Variants in LASP1 observed in about 807,000 individuals in gnomAD.
LASP1 encodes LIM and SH3 domain protein 1.
In LASP1, 10 loss-of-function variants were observed where a neutral mutation model predicts 38.6. The observed-to-expected ratio is 0.26, with a 90% CI of 0.16 to 0.44. The LOEUF (loss-of-function observed/expected upper bound fraction) is 0.44, where lower values mean the gene tolerates loss of function less well. Among genes scored for constraint, LASP1 ranks in the 20% least tolerant of loss-of-function variants. The pLI, the probability that LASP1 is intolerant of heterozygous loss-of-function variation, is 1.00. For missense variants in LASP1, 243 were observed against 375.7 expected (o/e 0.65, Z 2.92); for synonymous variants, 132 against 140.8 (o/e 0.94, Z 0.44).
chr17:38,884,852 G>A (rs914569332), intron 2 of LASP1, among the ~76,000 whole-genome samples: 7 of 151,784 alleles, frequency 4.6e-5, no homozygotes, highest in Middle Eastern at 3.2e-3. Flanking sequence ...CACCACGCCC[G>A]GCTAATTTTT....
chr17:38,887,383 CT>C (rs1350547506), intron 2 of LASP1, among the ~76,000 whole-genome samples: 1 of 152,194 alleles, frequency 6.6e-6, no homozygotes, highest in African/African-American at 2.4e-5. Flanking sequence ...GAGATCTTCC[CT>C]TTCTGGTCTC....
At chr17:38,914,708 A>G (rs1253009028) in intron 5 of LASP1, among the ~76,000 whole-genome samples, 3 of 150,796 alleles carry the variant, frequency 2.0e-5, no homozygotes, top group Non-Finnish European at 2.9e-5. Flanking sequence ...ACACACACAC[A>G]CACACATGCA....
chr17:38,921,093 G>A lies in LASP1; in HGVS notation c.*2315G>A. 4.3e-6 allele frequency: 1 copy of A among 230,234 alleles called. No homozygotes were observed. The highest frequency in any genetic ancestry group is 8.6e-6 in the Non-Finnish European group (1 of 116,146). 14.3% of individuals were successfully genotyped at this position (230,234 alleles called of 1,614,324 possible). On this transcript the variant is annotated 3_prime_UTR_variant, in exon 7 of 7. Transcript: ENST00000318008. The stretch of plus-strand genomic sequence containing the variant: ...TCTTACACACCCCCAGAGAGAGGAG[G>A]GACTGTCACACTGGTGCTGAGTGAC...
rs1915240119 is a variant in LASP1 at position 38,919,582 on chromosome 17, GA to G, written c.*805del. The G allele has an allele frequency of 3.9e-6, 1 of 256,790 alleles. No homozygotes were observed. The highest frequency in any genetic ancestry group is 7.6e-6 in the Non-Finnish European group (1 of 130,794). The allele number at this position is 256,790 out of a possible 1,614,324, so 15.9% of individuals were successfully genotyped here. On this transcript the variant is annotated 3_prime_UTR_variant, in exon 7 of 7. Transcript: ENST00000318008. ...CCCACGCCCACCCCCAGTCTCCAGG[GA>G]CCCTTGCCTGCCTCCTAGGCTGGAA... is the stretch of plus-strand genomic sequence containing the variant.
chr17:38,918,063 C>T lies in LASP1; in HGVS notation c.613-542C>T, dbSNP rs1956999073. Among the ~76,000 whole-genome samples the T allele has an allele frequency of 6.6e-6, 1 of 151,562 alleles. No individual in the cohort carries two copies. The highest frequency in any genetic ancestry group is 1.5e-5 in the Non-Finnish European group (1 of 67,892). The stretch of plus-strand genomic sequence containing the variant: ...GCTGAGGCAGGAGAATCGCTTGAAC[C>T]CGGGAGGCGGATGTTGCAGTGAGCC... On this transcript the variant is annotated intron_variant, in intron 6 of 6. Coordinates refer to ENST00000318008, the MANE Select transcript of LASP1 (RefSeq NM_006148.4). The surrounding 1 kb of genome is among the most constrained non-coding windows in gnomAD (Gnocchi z 4.4).
chr17:38,872,318 A>G (rs1304993468), intron 1 of LASP1, among the ~76,000 whole-genome samples: 1 of 152,134 alleles, frequency 6.6e-6, no homozygotes, highest in Admixed American at 6.5e-5. Flanking sequence ...AAAGACCTTC[A>G]GTGCCGTGTA....
Position 38,920,136 on chromosome 17 carries a change from G to A in LASP1, c.*1358G>A, listed in dbSNP as rs1915259056. 1 of 536,246 alleles carries A rather than the reference G, an allele frequency of 1.9e-6. No homozygotes were observed. The highest frequency in any genetic ancestry group is 1.9e-5 in the African/African-American group (1 of 53,940). The allele number at this position is 536,246 out of a possible 1,614,324, so 33.2% of individuals were successfully genotyped here. On this transcript the variant is annotated 3_prime_UTR_variant, in exon 7 of 7. Coordinates refer to ENST00000318008, the MANE Select transcript of LASP1 (RefSeq NM_006148.4). ...GCAGGGTGGAAGGTAAGAGGTTGGT[G>A]TGGAGTTGGGGCTGCCATAGGGTCT...
At chr17:38,898,205 T>C (rs12943799) in intron 3 of LASP1, among the ~76,000 whole-genome samples, 94,858 of 152,100 alleles carry the variant, frequency 0.62, 30,173 homozygotes, top group Middle Eastern at 0.69. Context: ...CCATTCACTG[T>C]GCACCAAAGA....
chr17:38,890,288 C>T (rs553420273), intron 2 of LASP1, 132 bp from the exon 3 acceptor site: 9 of 733,684 alleles, frequency 1.2e-5, no homozygotes, highest in South Asian at 8.2e-5. Context: ...ACACTGAAGT[C>T]CTCCTGTGGG....
intron 2 of LASP1, among the ~76,000 whole-genome samples, chr17:38,884,759 C>T (rs1484821401): frequency 1.4e-5 from 2 of 138,904 alleles, no homozygotes; most frequent in South Asian, 2.3e-4. Context: ...GGTGTGATCT[C>T]GGCTCACTAC....
chr17:38,899,745 A>ATTTTTTTTTT (rs1567701005), intron 4 of LASP1, among the ~76,000 whole-genome samples: 10 of 98,626 alleles, frequency 1.0e-4, no homozygotes, highest in Non-Finnish European at 1.6e-4. Flanking sequence ...GGGCGTTCAG[A>ATTTTTTTTTT]TCTTTTTTTT....
rs1915295679 is a variant in LASP1, at chr17:38,921,433, C to T, written c.*2655C>T. On this transcript the variant is annotated 3_prime_UTR_variant, in exon 7 of 7. Coordinates refer to ENST00000318008, the MANE Select transcript of LASP1 (RefSeq NM_006148.4). ...TGCTTAATTTCTGCCTTTCCCCCCTCACACATGCACTTTTGGGCCTTTTTT... is the reference window on the plus strand; with the variant it reads ...TGCTTAATTTCTGCCTTTCCCCCCTTACACATGCACTTTTGGGCCTTTTTT... 1 of 232,584 alleles carries T rather than the reference C, an allele frequency of 4.3e-6. No individual in the cohort carries two copies. Among genetic ancestry groups the T allele is most frequent in the African/African-American group, 2.2e-5 (1 of 45,278 alleles). 14.4% of individuals were successfully genotyped at this position (232,584 alleles called of 1,614,324 possible).
chr17:38,895,850 G>A (rs138392809), intron 3 of LASP1, among the ~76,000 whole-genome samples: 2 of 152,228 alleles, frequency 1.3e-5, no homozygotes, highest in African/African-American at 4.8e-5. Flanking sequence ...TTGTTTGGGT[G>A]TCAGGAGCCT....
At chr17:38,872,216 A>G (rs1913630673) in intron 1 of LASP1, among the ~76,000 whole-genome samples, 1 of 152,132 alleles carries the variant, frequency 6.6e-6, no homozygotes, top group Non-Finnish European at 1.5e-5. Flanking sequence ...GCAGTGCACT[A>G]AAGTCCCTGA....
At chr17:38,874,881 G>C (rs566083522) in intron 1 of LASP1, among the ~76,000 whole-genome samples, 1 of 152,130 alleles carries the variant, frequency 6.6e-6, no homozygotes, top group Non-Finnish European at 1.5e-5. Context: ...ACTGGGTCCA[G>C]TGTTGGCCCT....
At chr17:38,898,667 G>A (rs1914557776) in intron 4 of LASP1, 148 bp downstream of exon 4, 2 of 693,606 alleles carry the variant, frequency 2.9e-6, no homozygotes, top group Middle Eastern at 2.3e-4. Flanking sequence ...GGAAGAGCTT[G>A]GGGTTCCCAG....
At chr17:38,897,745 C>T (rs1170052727) in intron 3 of LASP1, among the ~76,000 whole-genome samples, 1 of 152,218 alleles carries the variant, frequency 6.6e-6, no homozygotes, top group African/African-American at 2.4e-5. Flanking sequence ...TCCCGGCAGG[C>T]TCCCAGAATC....
chr17:38,910,202 A>G lies in LASP1; in HGVS notation c.358-4123A>G, dbSNP rs80025871. ...ACCAATAGGAGTATGCCGTCAGAATATTTTGGCAAACAAGGGTCACTAAGT... is the reference window on the plus strand; with the variant it reads ...ACCAATAGGAGTATGCCGTCAGAATGTTTTGGCAAACAAGGGTCACTAAGT... On this transcript the variant is annotated intron_variant, in intron 4 of 6. Coordinates refer to ENST00000318008, the MANE Select transcript of LASP1 (RefSeq NM_006148.4). Among the ~76,000 whole-genome samples the G allele has an allele frequency of 3.8e-4, 58 of 152,312 alleles. 1 individual carries two copies. The East Asian group carries it at 0.011, about 28-fold the overall frequency.
chr17:38,914,666 G>T (rs982603674), intron 5 of LASP1, among the ~76,000 whole-genome samples, 191 bp downstream of exon 5: 1 of 134,810 alleles, frequency 7.4e-6, no homozygotes, highest in Non-Finnish European at 1.6e-5. Flanking sequence ...GGAGGAAGTC[G>T]GCGAGAGACA....
Sources: allele counts gnomAD v4.1 joint callset (sites outside exome capture counted in the v4.1 genomes callset), GRCh38; gene constraint gnomAD v4.1.1; non-coding constraint Gnocchi (gnomAD v3.1); transcripts MANE v1.5; gene names NCBI Gene and HGNC (gene_info 2026-07-23, HGNC 2026-07-21).